The following ATPAF2 variants were observed in gnomAD, a reference collection of about 807,000 sequenced individuals.
ATPAF2 encodes the protein ATP synthase mitochondrial F1 complex assembly factor 2, also known as ATP12 homolog.
A neutral mutation model predicts 36.6 loss-of-function variants in ATPAF2; 30 were observed. The ratio of observed to expected loss-of-function variants is 0.82; its 90% CI spans 0.61 to 1.11. ATPAF2 has a LOEUF of 1.11. ATPAF2 is among the 50% of genes most tolerant of loss of function. ATPAF2 has a pLI of 0.00. For missense variants in ATPAF2, 321 were observed against 372.3 expected, an observed-to-expected ratio of 0.86 and a Z score of 1.13; for synonymous variants, 140 against 152.6, an observed-to-expected ratio of 0.92 and a Z score of 0.61.
chr17:18,017,565 C>T (rs2044402699), downstream of ATPAF2, among the ~76,000 whole-genome samples: 1 of 152,258 alleles, frequency 6.6e-6, no homozygotes, highest in Non-Finnish European at 1.5e-5. Flanking sequence ...CATCCCAGCT[C>T]CACCATGTCA....
chr17:18,026,667 C>A, intron 3 of ATPAF2: 2 of 577,602 alleles, frequency 3.5e-6, no homozygotes, highest in Non-Finnish European at 3.1e-6. Context: ...ATTAGTGAAC[C>A]TCCCCCATGG....
intron 1 of ATPAF2, among the ~76,000 whole-genome samples, chr17:18,038,564 G>A (rs1424755234): frequency 6.6e-6 from 1 of 152,330 alleles, no homozygotes; most frequent in East Asian, 1.9e-4. Flanking sequence ...ACGAAGTCCT[G>A]ATTCAGAGCC....
chr17:18,019,419 G>A (rs2044436294), intron 7 of ATPAF2, among the ~76,000 whole-genome samples: 1 of 152,234 alleles, frequency 6.6e-6, no homozygotes, highest in Non-Finnish European at 1.5e-5. Context: ...TCTCCAAGTT[G>A]CCTTGCCATG....
chr17:18,019,147 CCACACACACACACACA>C (rs138932269), intron 7 of ATPAF2, among the ~76,000 whole-genome samples: 8 of 135,570 alleles, frequency 5.9e-5, no homozygotes, highest in East Asian at 2.3e-4. Flanking sequence ...CTCAAAAACA[CCACACACACACACACA>C]CACACACACA....
At chr17:18,015,511 A>T (rs1446294956), downstream of ATPAF2, 1 of 152,990 alleles carries the variant, frequency 6.5e-6, no homozygotes. Context: ...TTTACAAGAC[A>T]GCAAAGTCAG....
In ATPAF2 at chr17:18,028,278, T is replaced by G; in HGVS notation, c.278A>C (p.Glu93Ala). 6.2e-7 allele frequency: 1 copy of G among 1,614,172 alleles called. No homozygotes were observed. The highest frequency in any genetic ancestry group is 8.5e-7 in the Non-Finnish European group (1 of 1,180,028). ...GATGGTATCCTGCTGGGAATCCCACTCAGTAGCCACTGCAATGGCCAGGGC... is the reference window on the plus strand; with the variant it reads ...GATGGTATCCTGCTGGGAATCCCACGCAGTAGCCACTGCAATGGCCAGGGC... ...SEALAIAVAT[E>A]WDSQQDTIKY... The change falls in exon 3 of 8, where the codon GAG becomes GCG. Residue 93 changes from glutamate (E) to alanine (A), a missense_variant. Coordinates refer to ENST00000474627, the MANE Select transcript of ATPAF2 (RefSeq NM_145691.4).
At chr17:18,037,194 T>C (rs1597681360) in intron 1 of ATPAF2, among the ~76,000 whole-genome samples, 2 of 152,244 alleles carry the variant, frequency 1.3e-5, no homozygotes, top group East Asian at 3.8e-4. Flanking sequence ...CTTTCTCTTC[T>C]TTACTGGCCC....
At chr17:18,037,312 G>A (rs963364704) in intron 1 of ATPAF2, among the ~76,000 whole-genome samples, 2 of 151,396 alleles carry the variant, frequency 1.3e-5, no homozygotes, top group Non-Finnish European at 2.9e-5. Flanking sequence ...GAACTTGGCT[G>A]GGCGCGGTGG....
intron 1 of ATPAF2, among the ~76,000 whole-genome samples, chr17:18,031,255 G>C (rs934356786): frequency 2.6e-5 from 4 of 151,776 alleles, no homozygotes; most frequent in Non-Finnish European, 5.9e-5. Flanking sequence ...GATTACAGGC[G>C]TGAGCCACTG....
At position 18,028,623 on chromosome 17, in the gene ATPAF2, T is replaced by C. The variant is rs1350521170; in HGVS notation, c.170A>G (p.Gln57Arg). 2.7e-5 allele frequency: 44 copies of C among 1,608,070 alleles called. No individual in the cohort carries two copies. The East Asian group carries it at 9.6e-4, about 35-fold the overall frequency. ...KRFYQNVSIT[Q>R]GEGGFEINLD... ...AAATTTCAGACACTCACCTTCACCC[T>C]GTGTGATGCTGACATTCTGATAAAA... The change falls in exon 2 of 8, where the codon CAG (glutamine) becomes CGG (arginine). Residue 57 changes from glutamine to arginine, a missense_variant. Coordinates refer to ENST00000474627, the MANE Select transcript of ATPAF2 (RefSeq NM_145691.4).
chr17:18,022,852 G>A (rs1025979626), intron 5 of ATPAF2, among the ~76,000 whole-genome samples: 43 of 152,178 alleles, frequency 2.8e-4, no homozygotes, highest in African/African-American at 9.9e-4. Flanking sequence ...GGGGCCGGGC[G>A]CGGTGGCTCA....
At chr17:18,022,718 G>A (rs2145490653) in intron 5 of ATPAF2, among the ~76,000 whole-genome samples, 1 of 150,940 alleles carries the variant, frequency 6.6e-6, no homozygotes, top group South Asian at 2.1e-4. Context: ...TGGCTGAGAA[G>A]ATACATTTTC....
intron 1 of ATPAF2, among the ~76,000 whole-genome samples, chr17:18,033,247 T>C (rs979553590): frequency 4.6e-5 from 7 of 150,972 alleles, no homozygotes; most frequent in African/African-American, 1.7e-4. Context: ...TGCCTGCCTG[T>C]AATACCAGCT....
intron 3 of ATPAF2, chr17:18,026,725 A>C (rs985440815): frequency 4.3e-6 from 2 of 470,030 alleles, no homozygotes; most frequent in Non-Finnish European, 3.9e-6. Flanking sequence ...TTTAATCCTC[A>C]CAACAACCTT....
intron 1 of ATPAF2, among the ~76,000 whole-genome samples, chr17:18,038,484 G>T (rs116877152): frequency 0.022 from 3,396 of 152,296 alleles, 58 homozygotes; most frequent in Middle Eastern, 0.065. Flanking sequence ...GTCTTGTGTT[G>T]GGCAGTGGAG....
At chr17:18,017,431 G>A (rs1333829297), downstream of ATPAF2, among the ~76,000 whole-genome samples, 1 of 152,216 alleles carries the variant, frequency 6.6e-6, no homozygotes, top group Non-Finnish European at 1.5e-5. Flanking sequence ...GGTGCTGAGG[G>A]GCAGGGAAGC....
chr17:18,038,123 T>C (rs1403559030), intron 1 of ATPAF2, among the ~76,000 whole-genome samples: 1 of 152,258 alleles, frequency 6.6e-6, no homozygotes, highest in African/African-American at 2.4e-5. Context: ...TGAGCTTCTC[T>C]ACCAATACAT....
In ATPAF2 at chr17:18,038,999, G is replaced by A; in HGVS notation, c.15C>T (p.Cys5=). The change falls in exon 1 of 8, where the codon TGC becomes TGT. Residue 5 remains cysteine (C), a synonymous_variant. Coordinates refer to ENST00000474627, the MANE Select transcript of ATPAF2 (RefSeq NM_145691.4). MWRS[C]LRLRDGGRRL... ...GGCGTCCCCCGTCCCGCAGCCGGAG[G>A]CAGCTCCTCCACATCGCGCCCGAGG... The A allele has an allele frequency of 1.2e-6, 2 of 1,608,534 alleles. No homozygotes were observed. Among genetic ancestry groups the A allele is most frequent in the East Asian group, 2.2e-5 (1 of 44,622 alleles).
At position 18,018,901 on chromosome 17, in the gene ATPAF2, C is replaced by T. The variant is rs114743314; in HGVS notation, c.733-215G>A. Among the ~76,000 whole-genome samples, 2,801 of 152,194 alleles carry T rather than the reference C, an allele frequency of 0.018. 35 individuals carry two copies. Among genetic ancestry groups the T allele is most frequent in the Non-Finnish European group, 0.027 (1,802 of 67,994 alleles). ...CTGTAATCCCAGCACTCTGGGAGAC[C>T]GAGGCAGGAAGACTGCTTGAATCCA... On this transcript the variant is annotated intron_variant, in intron 7 of 7. Coordinates refer to ENST00000474627, the MANE Select transcript of ATPAF2 (RefSeq NM_145691.4).
Sources: gnomAD v4.1 joint callset for allele counts (sites outside exome capture counted in the v4.1 genomes callset) on GRCh38, gnomAD v4.1.1 for gene constraint, MANE v1.5 for transcripts, NCBI Gene and HGNC (gene_info 2026-07-23, HGNC 2026-07-21) for gene names.